The following LTBP1 variants were observed in gnomAD, a reference collection of about 807,000 sequenced individuals.
The protein encoded by LTBP1 is latent-transforming growth factor beta-binding protein 1.
In LTBP1, 129 loss-of-function variants were observed where a neutral mutation model predicts 207.6. The ratio of observed to expected loss-of-function variants is 0.62; its 90% confidence interval spans 0.54 to 0.72. LTBP1 has a LOEUF of 0.72. LTBP1 is among the 30% of genes least tolerant of loss of function. The pLI, the probability that LTBP1 is intolerant of heterozygous loss-of-function variation, is 0.00. For synonymous variants in LTBP1, 963 were observed against 833.7 expected (o/e 1.16, Z -2.67); for missense variants, 2,281 against 2,217.2 (o/e 1.03, Z -0.58).
At chr2:33,343,293 C>A (rs948412659) in intron 25 of LTBP1, among the ~76,000 whole-genome samples, 1 of 151,542 alleles carries the variant, frequency 6.6e-6, no homozygotes, top group Admixed American at 6.6e-5. Context: ...TGCCTGTAGT[C>A]CCAACTACTT....
At chr2:33,234,529 C>G (rs559334255) in intron 9 of LTBP1, among the ~76,000 whole-genome samples, 1 of 152,132 alleles carries the variant, frequency 6.6e-6, no homozygotes, top group African/African-American at 2.4e-5. Flanking sequence ...TGTGAAGGAC[C>G]TCTTCAAGGA....
At chr2:32,977,338 G>C (rs1027545645) in intron 2 of LTBP1, among the ~76,000 whole-genome samples, 2 of 152,206 alleles carry the variant, frequency 1.3e-5, no homozygotes, top group Non-Finnish European at 2.9e-5. Flanking sequence ...CTTCCCTGCC[G>C]TCTGGGTGTT....
intron 2 of LTBP1, among the ~76,000 whole-genome samples, chr2:32,981,484 T>C (rs535261796): frequency 6.6e-5 from 10 of 152,256 alleles, no homozygotes; most frequent in African/African-American, 2.4e-4. Context: ...CTATGCAGAG[T>C]TGATGATTTT....
At chr2:33,039,495 T>G (rs2076080653) in intron 3 of LTBP1, among the ~76,000 whole-genome samples, 1 of 152,232 alleles carries the variant, frequency 6.6e-6, no homozygotes, top group African/African-American at 2.4e-5. Context: ...TGCTTTAGAC[T>G]CATCCCTTGC....
intron 32 of LTBP1, among the ~76,000 whole-genome samples, chr2:33,395,887 A>G (rs6745397): frequency 0.014 from 2,177 of 150,836 alleles, 46 homozygotes; most frequent in African/African-American, 0.051. Context: ...CAAAGGCCAG[A>G]TAGAAAGTTC....
chr2:33,004,760 G>A (rs911781017), intron 2 of LTBP1, among the ~76,000 whole-genome samples: 1 of 104,962 alleles, frequency 9.5e-6, no homozygotes, highest in Admixed American at 1.3e-4. Context: ...GGGTGACAGA[G>A]TGAGCCTCAG....
chr2:33,318,626 G>T (rs538307200), intron 24 of LTBP1, among the ~76,000 whole-genome samples: 50 of 152,220 alleles, frequency 3.3e-4, no homozygotes, highest in African/African-American at 1.1e-3. Flanking sequence ...AAATTGCAGG[G>T]GAACAGGACT....
chr2:33,108,632 G>A (rs1188220831), intron 3 of LTBP1, among the ~76,000 whole-genome samples: 2 of 152,104 alleles, frequency 1.3e-5, no homozygotes, highest in Non-Finnish European at 2.9e-5. Context: ...GCACGAATTA[G>A]GTGCAGTAGC....
At chr2:33,236,267 A>T (rs1339187139) in intron 9 of LTBP1, among the ~76,000 whole-genome samples, 1 of 152,126 alleles carries the variant, frequency 6.6e-6, no homozygotes, top group South Asian at 2.1e-4. Context: ...AGAAACTGTC[A>T]TGTACTTAGT....
At chr2:33,103,104 G>C (rs183955622) in intron 3 of LTBP1, among the ~76,000 whole-genome samples, 5 of 148,262 alleles carry the variant, frequency 3.4e-5, no homozygotes, top group Non-Finnish European at 5.9e-5. Flanking sequence ...TTTGTATGCA[G>C]ATTCTCTATG....
intron 22 of LTBP1, among the ~76,000 whole-genome samples, chr2:33,308,648 A>G (rs1434950500): frequency 6.6e-6 from 1 of 152,142 alleles, no homozygotes; most frequent in Non-Finnish European, 1.5e-5. Context: ...GACAATTCTT[A>G]TGTTACATTG....
chr2:33,181,328 C>G (rs1457937283), intron 5 of LTBP1, among the ~76,000 whole-genome samples: 2 of 152,176 alleles, frequency 1.3e-5, no homozygotes, highest in Non-Finnish European at 2.9e-5. Context: ...AACAAGGTTC[C>G]AATTCGTGGC....
At chr2:33,128,872 C>T (rs773861836) in intron 4 of LTBP1, among the ~76,000 whole-genome samples, 1 of 152,222 alleles carries the variant, frequency 6.6e-6, no homozygotes, top group Admixed American at 6.5e-5. Context: ...TTCTTCAACT[C>T]TCAGTCACAG....
At chr2:33,397,425 A>G (rs2095368829) in intron 33 of LTBP1, 143 bp downstream of exon 33, 2 of 750,550 alleles carry the variant, frequency 2.7e-6, no homozygotes, top group Non-Finnish European at 4.3e-6. Context: ...TAAGTACAGT[A>G]TGAATATACT....
intron 7 of LTBP1, among the ~76,000 whole-genome samples, chr2:33,205,545 G>C (rs988630326): frequency 6.6e-6 from 1 of 152,206 alleles, no homozygotes; most frequent in African/African-American, 2.4e-5. Flanking sequence ...TGGGTTGATA[G>C]TGGTTCCATC....
At chr2:33,255,425 G>A (rs931454760) in intron 11 of LTBP1, among the ~76,000 whole-genome samples, 15 of 151,986 alleles carry the variant, frequency 9.9e-5, no homozygotes, top group South Asian at 4.2e-4. Context: ...TCAGTGTGGC[G>A]ATTCCTCAGG....
At chr2:33,397,055 C>A in intron 32 of LTBP1, 78 bp from the exon 33 acceptor site, 1 of 1,351,612 alleles carries the variant, frequency 7.4e-7, no homozygotes, top group Non-Finnish European at 1.0e-6. Flanking sequence ...GGAAAATGAA[C>A]CATCATCTAA....
At chr2:33,206,738 C>CAA (rs367575248) in intron 7 of LTBP1, among the ~76,000 whole-genome samples, 33 of 91,100 alleles carry the variant, frequency 3.6e-4, no homozygotes, top group Admixed American at 1.3e-3. Context: ...GACTCCATTT[C>CAA]AAAAAAAAAA....
At chr2:33,125,928 G>A (rs924564297) in intron 4 of LTBP1, among the ~76,000 whole-genome samples, 1 of 152,088 alleles carries the variant, frequency 6.6e-6, no homozygotes, top group African/African-American at 2.4e-5. Context: ...ACCTCAGTTG[G>A]TTGGTTCTGG....
Sources: allele counts gnomAD v4.1 joint callset (sites outside exome capture counted in the v4.1 genomes callset), GRCh38; gene constraint gnomAD v4.1.1; transcripts MANE v1.5; gene names NCBI Gene and HGNC (gene_info 2026-07-23, HGNC 2026-07-21).